The following ELOVL6 variants were observed in gnomAD, a reference collection of about 807,000 sequenced individuals.
ELOVL6 encodes very long chain fatty acid elongase 6.
A neutral mutation model predicts 31.7 loss-of-function variants in ELOVL6; 8 were observed. That is an observed-to-expected ratio of 0.25 (90% CI 0.15 to 0.45). The LOEUF (loss-of-function observed/expected upper bound fraction) is 0.45, where lower values mean the gene tolerates loss of function less well. Among genes scored for constraint, ELOVL6 ranks in the 20% least tolerant of loss-of-function variants. ELOVL6 has a pLI of 1.00. For synonymous variants in ELOVL6, 101 were observed against 117.7 expected, an observed-to-expected ratio of 0.86 and a Z score of 0.92; for missense variants, 126 against 326.4, an observed-to-expected ratio of 0.39 and a Z score of 4.73.
At chr4:110,098,138 G>A (rs984675553) in intron 2 of ELOVL6, among the ~76,000 whole-genome samples, 2 of 152,078 alleles carry the variant, frequency 1.3e-5, no homozygotes, top group Non-Finnish European at 2.9e-5. Flanking sequence ...GGACAGAAAA[G>A]AAAAGTCCCC....
intron 1 of ELOVL6, among the ~76,000 whole-genome samples, chr4:110,171,811 T>G (rs1758956614): frequency 6.8e-6 from 1 of 146,350 alleles, no homozygotes; most frequent in Admixed American, 7.0e-5. Flanking sequence ...CACCTCAGAC[T>G]CCCAAGTAAC....
intron 2 of ELOVL6, among the ~76,000 whole-genome samples, chr4:110,064,814 T>A (rs1482093128): frequency 6.6e-6 from 1 of 152,168 alleles, no homozygotes; most frequent in Admixed American, 6.5e-5. Flanking sequence ...AAAAATCTAC[T>A]TTCAATAGGT....
chr4:110,180,179 A>C (rs1180259986), intron 1 of ELOVL6, among the ~76,000 whole-genome samples: 1 of 152,158 alleles, frequency 6.6e-6, no homozygotes, highest in Non-Finnish European at 1.5e-5. Flanking sequence ...TATCCATATA[A>C]TGCAAGTTCA....
In ELOVL6 at chr4:110,104,932, A is replaced by G. The variant is rs542702002; in HGVS notation, c.221+565T>C. Reference sequence around the variant, plus strand: ...CAGTCTCTGTGTTGAGTTCTTTCACATTTACAAAGCCAGAGCTGGCTACAT... The same window carrying G: ...CAGTCTCTGTGTTGAGTTCTTTCACGTTTACAAAGCCAGAGCTGGCTACAT... On this transcript the variant is annotated intron_variant, in intron 2 of 3. Coordinates refer to ENST00000302274, the MANE Select transcript of ELOVL6 (RefSeq NM_024090.3). 7.2e-5 allele frequency among the ~76,000 whole-genome samples: 11 copies of G among 152,310 alleles called. No homozygotes were observed. In the East Asian group the frequency reaches 1.7e-3, roughly 24 times the overall value.
In ELOVL6 at chr4:110,060,842, G is replaced by C. The variant is rs113622708; in HGVS notation, c.222-1088C>G. Among the ~76,000 whole-genome samples the C allele has an allele frequency of 1.5e-3, 235 of 152,292 alleles. 3 individuals carry two copies. In the South Asian group the frequency reaches 0.024, roughly 16 times the overall value. On this transcript the variant is annotated intron_variant, in intron 2 of 3. Transcript: ENST00000302274. ...TGAACAACTGTTGAATTGGGAAATG[G>C]AGCCTTCTTTTCTCCTCAGAGGCAC...
intron 1 of ELOVL6, among the ~76,000 whole-genome samples, chr4:110,167,902 T>G (rs1758826358): frequency 6.6e-6 from 1 of 152,160 alleles, no homozygotes; most frequent in Non-Finnish European, 1.5e-5. Context: ...TCTAACAGTT[T>G]GTACAAAACT....
intron 1 of ELOVL6, among the ~76,000 whole-genome samples, chr4:110,153,010 C>T (rs1758322332): frequency 6.6e-6 from 1 of 152,144 alleles, no homozygotes; most frequent in South Asian, 2.1e-4. Context: ...GCAGGAATGA[C>T]ACAGTAGTTG....
At chr4:110,061,549 CTTTTTTTTTTTT>C (rs57846282) in intron 2 of ELOVL6, among the ~76,000 whole-genome samples, 2,456 of 72,466 alleles carry the variant, frequency 0.034, 197 homozygotes, top group African/African-American at 0.11. Flanking sequence ...CAAATGATGG[CTTTTTTTTTTTT>C]TTTTTTTTTT....
chr4:110,178,440 G>A (rs1759176486), intron 1 of ELOVL6, among the ~76,000 whole-genome samples: 1 of 152,040 alleles, frequency 6.6e-6, no homozygotes, highest in South Asian at 2.1e-4. Flanking sequence ...TACTTGGGAG[G>A]CTGAGGCAGA....
chr4:110,196,872 C>T (rs1355974266), intron 1 of ELOVL6, among the ~76,000 whole-genome samples: 1 of 152,066 alleles, frequency 6.6e-6, no homozygotes, highest in African/African-American at 2.4e-5. Flanking sequence ...GGAGTGGGCG[C>T]GCTCCGGCCG....
intron 2 of ELOVL6, among the ~76,000 whole-genome samples, chr4:110,097,520 T>C (rs987892069): frequency 6.6e-6 from 1 of 152,080 alleles, no homozygotes; most frequent in Non-Finnish European, 1.5e-5. Context: ...TGAACATTTG[T>C]TGGGCTTTTA....
At chr4:110,167,268 C>G (rs948792078) in intron 1 of ELOVL6, among the ~76,000 whole-genome samples, 2 of 152,156 alleles carry the variant, frequency 1.3e-5, no homozygotes, top group Non-Finnish European at 2.9e-5. Context: ...TTTTTACATG[C>G]ACAGTAAAAG....
intron 1 of ELOVL6, among the ~76,000 whole-genome samples, chr4:110,129,891 ATTTTT>A (rs371838858): frequency 5.6e-4 from 52 of 93,516 alleles, no homozygotes; most frequent in South Asian, 1.6e-3. Context: ...ATCCAATCCA[ATTTTT>A]TTTTTTTTTT....
chr4:110,164,134 C>G (rs1352330024), intron 1 of ELOVL6, among the ~76,000 whole-genome samples: 1 of 152,190 alleles, frequency 6.6e-6, no homozygotes, highest in Non-Finnish European at 1.5e-5. Context: ...CACACCTTAA[C>G]TAGTTTAATT....
chr4:110,176,719 C>T (rs1483735555), intron 1 of ELOVL6, among the ~76,000 whole-genome samples: 1 of 152,142 alleles, frequency 6.6e-6, no homozygotes, highest in Non-Finnish European at 1.5e-5. Context: ...CCTCTCAAGG[C>T]GATCACTCTC....
intron 2 of ELOVL6, among the ~76,000 whole-genome samples, chr4:110,062,346 G>A (rs1249012199): frequency 6.6e-6 from 1 of 152,180 alleles, no homozygotes; most frequent in East Asian, 1.9e-4. Flanking sequence ...CACTTTTCAG[G>A]GAAACCGTCA....
At chr4:110,076,545 A>G (rs1420781026) in intron 2 of ELOVL6, among the ~76,000 whole-genome samples, 1 of 152,216 alleles carries the variant, frequency 6.6e-6, no homozygotes, top group Non-Finnish European at 1.5e-5. Flanking sequence ...AAATATGTAA[A>G]TAAAAATATA....
chr4:110,197,880 A>C (rs1482274103), intron 1 of ELOVL6: 1 of 285,688 alleles, frequency 3.5e-6, no homozygotes, highest in Admixed American at 4.8e-5. Flanking sequence ...GAGAAAACCC[A>C]AATCTAGATG....
chr4:110,087,045 C>A (rs992731227), intron 2 of ELOVL6, among the ~76,000 whole-genome samples: 1 of 152,048 alleles, frequency 6.6e-6, no homozygotes, highest in Non-Finnish European at 1.5e-5. Flanking sequence ...AAACACCTGT[C>A]ACTGTTTCTC....
Sources: gnomAD v4.1 joint callset for allele counts (sites outside exome capture counted in the v4.1 genomes callset) on GRCh38, gnomAD v4.1.1 for gene constraint, MANE v1.5 for transcripts, NCBI Gene and HGNC (gene_info 2026-07-23, HGNC 2026-07-21) for gene names.